The following PSMC2 variants were observed in gnomAD, a reference collection of about 807,000 sequenced individuals.
PSMC2 encodes proteasome 26S subunit, ATPase 2, also known as 26S proteasome regulatory subunit 7.
PSMC2 carries 7 observed loss-of-function variants against 53.3 expected under a neutral mutation model. The observed-to-expected ratio is 0.13, with a 90% confidence interval of 0.07 to 0.25. The LOEUF is 0.25. Among genes scored for constraint, PSMC2 ranks in the 10% least tolerant of loss-of-function variants. The probability of loss-of-function intolerance (pLI) is 1.00; values close to 1 mark genes in which losing one functional copy is unlikely to be tolerated. For synonymous variants in PSMC2, 169 were observed against 183.9 expected (o/e 0.92, Z 0.66); for missense variants, 241 against 544.0 (o/e 0.44, Z 5.54).
At chr7:103,356,752 G>A (rs886468457) in intron 4 of PSMC2, among the ~76,000 whole-genome samples, 1 of 151,904 alleles carries the variant, frequency 6.6e-6, no homozygotes, top group South Asian at 2.1e-4. Context: ...ACCTTTTGTT[G>A]TACTAATGTT....
chr7:103,361,460 A>G (rs1820400931), intron 4 of PSMC2, among the ~76,000 whole-genome samples: 1 of 150,128 alleles, frequency 6.7e-6, no homozygotes, highest in Non-Finnish European at 1.5e-5. Context: ...CAGTGAGCCA[A>G]GATCACACCA....
intron 4 of PSMC2, among the ~76,000 whole-genome samples, chr7:103,356,037 T>C (rs563534184): frequency 6.6e-6 from 1 of 152,310 alleles, no homozygotes; most frequent in African/African-American, 2.4e-5. Context: ...AATGAAAAAC[T>C]CCCTTCTCAT....
intron 8 of PSMC2, 69 bp downstream of exon 8, chr7:103,364,376 G>A (rs545478396): frequency 4.3e-5 from 67 of 1,557,764 alleles, no homozygotes; most frequent in Non-Finnish European, 5.7e-5. Flanking sequence ...AATTAAAAAT[G>A]GCACTTCTGC....
Position 103,365,747 on chromosome 7 carries a change from C to T in PSMC2, c.757-329C>T, listed in dbSNP as rs537586314. ...GTTCAATGCCAGCCTGGCCAAGATG[C>T]TGAAACCCCGTCTCTACTAAAAATA... On this transcript the variant is annotated intron_variant, in intron 8 of 11. Coordinates refer to ENST00000292644, the MANE Select transcript of PSMC2 (RefSeq NM_002803.4). Among the ~76,000 whole-genome samples the T allele has an allele frequency of 9.2e-5, 14 of 152,060 alleles. No homozygotes were observed. In the East Asian group the frequency reaches 2.5e-3, roughly 27 times the overall value.
chr7:103,354,535 AT>A (rs1298247813), intron 2 of PSMC2, among the ~76,000 whole-genome samples: 1 of 151,798 alleles, frequency 6.6e-6, no homozygotes, highest in African/African-American at 2.4e-5. Context: ...CGTCTGGCTA[AT>A]TTTTTGTATT....
At chr7:103,354,421 T>A (rs1274910515) in intron 2 of PSMC2, among the ~76,000 whole-genome samples, 1 of 147,196 alleles carries the variant, frequency 6.8e-6, no homozygotes, top group Non-Finnish European at 1.5e-5. Context: ...CAGGCTGGAG[T>A]GCAATGGCGC....
At position 103,367,005 on chromosome 7, in the gene PSMC2, A is replaced by G. The variant is rs192020752; in HGVS notation, c.845-408A>G. On this transcript the variant is annotated intron_variant, in intron 9 of 11. Transcript: ENST00000292644. The surrounding 1 kb of genome is among the most constrained non-coding windows in gnomAD (Gnocchi z 6.1). ...TTTTTAGTAGAGACGTGGTTTCACC[A>G]TGTTGGCCAGGCTGGTCTCGAACTC... Among the ~76,000 whole-genome samples, 33 of 152,240 alleles carry G rather than the reference A, an allele frequency of 2.2e-4. No individual in the cohort carries two copies. Among genetic ancestry groups the G allele is most frequent in the African/African-American group, 7.5e-4 (31 of 41,540 alleles).
At chr7:103,361,663 G>T (rs1820422437) in intron 4 of PSMC2, among the ~76,000 whole-genome samples, 1 of 152,064 alleles carries the variant, frequency 6.6e-6, no homozygotes, top group Non-Finnish European at 1.5e-5. Flanking sequence ...ATATACAGGA[G>T]CATCACTAAT....
At chr7:103,353,008 A>G in intron 1 of PSMC2, 1 of 777,834 alleles carries the variant, frequency 1.3e-6, no homozygotes, top group Non-Finnish European at 2.4e-6. Context: ...AATGACCATG[A>G]AAGCACATGA....
At chr7:103,349,277 G>A (rs991640217) in intron 1 of PSMC2, among the ~76,000 whole-genome samples, 2 of 152,028 alleles carry the variant, frequency 1.3e-5, no homozygotes, top group Non-Finnish European at 2.9e-5. Context: ...GAAAATGTCA[G>A]ATATACTCAG....
chr7:103,361,387 G>A (rs1820393409), intron 4 of PSMC2, among the ~76,000 whole-genome samples: 1 of 150,040 alleles, frequency 6.7e-6, no homozygotes, highest in African/African-American at 2.4e-5. Flanking sequence ...GTGCATGCCT[G>A]TAATCCCAGC....
At position 103,352,215 on chromosome 7, in the gene PSMC2, T is replaced by TTAA. The variant is rs1441758445; in HGVS notation, c.71-1706_71-1705insTAA. Reference sequence around the variant, plus strand: ...TTTCCTACCTCTACTCATACTTAGTTAAAAAAAAAAAAAAAAAAAAAAAAA... The same window carrying TTAA: ...TTTCCTACCTCTACTCATACTTAGTTTAAAAAAAAAAAAAAAAAAAAAAAAAAA... On this transcript the variant is annotated intron_variant, in intron 1 of 11. Transcript: ENST00000292644. Among the ~76,000 whole-genome samples the TTAA allele has an allele frequency of 1.1e-3, 45 of 40,622 alleles. 1 individual carries two copies. Among genetic ancestry groups the TTAA allele is most frequent in the African/African-American group, 3.8e-3 (43 of 11,382 alleles). 26.6% of individuals were successfully genotyped at this position (40,622 alleles called of 152,430 possible). A position where few individuals can be genotyped will look rare whatever the true frequency, so the allele number is the denominator to read the frequency against.
In PSMC2 at chr7:103,362,669, C is replaced by A; in HGVS notation, c.423-17C>A. On this transcript the variant is annotated splice_polypyrimidine_tract_variant and intron_variant, in intron 5 of 11. Coordinates refer to ENST00000292644, the MANE Select transcript of PSMC2 (RefSeq NM_002803.4). ...GCTTAAAGAATGTATTAATGACTAT[C>A]TTTTTTACTTCCTTAGCGTGGATAG... 1 of 1,585,416 alleles carries A rather than the reference C, an allele frequency of 6.3e-7. No individual in the cohort carries two copies. Among genetic ancestry groups the A allele is most frequent in the Non-Finnish European group, 8.7e-7 (1 of 1,154,738 alleles).
chr7:103,349,606 C>T (rs1012728562), intron 1 of PSMC2, among the ~76,000 whole-genome samples: 2 of 152,042 alleles, frequency 1.3e-5, no homozygotes, highest in African/African-American at 4.8e-5. Context: ...CCCCCCACCA[C>T]ACCCAACTAA....
At chr7:103,352,985 C>G in intron 1 of PSMC2, 1 of 779,914 alleles carries the variant, frequency 1.3e-6, no homozygotes, top group Admixed American at 1.7e-5. Flanking sequence ...TTTTACCACT[C>G]TGTCTATTTG....
chr7:103,367,997 G>A lies in PSMC2; in HGVS notation c.1245G>A (p.Lys415=). The A allele has an allele frequency of 5.6e-6, 9 of 1,613,864 alleles. No homozygotes were observed. Among genetic ancestry groups the A allele is most frequent in the South Asian group, 2.2e-5 (2 of 91,054 alleles). ...AGGATTTCTTGGAAGCTGTAAATAA[G>A]GTCATTAAGTCTTATGCCAAATTCA... ...TEKDFLEAVN[K]VIKSYAKFSA... The change falls in exon 12 of 12, where the codon AAG becomes AAA. Residue 415 remains lysine (K), a synonymous_variant. Coordinates refer to ENST00000292644, the MANE Select transcript of PSMC2 (RefSeq NM_002803.4). The surrounding 1 kb of genome is among the most constrained non-coding windows in gnomAD (Gnocchi z 6.1).
chr7:103,360,259 G>C (rs1399209181), intron 4 of PSMC2, among the ~76,000 whole-genome samples: 1 of 152,076 alleles, frequency 6.6e-6, no homozygotes, highest in Non-Finnish European at 1.5e-5. Context: ...TTAAAATAAT[G>C]TAATGTGTCA....
intron 1 of PSMC2, chr7:103,348,882 T>C (rs1819666534): frequency 2.0e-6 from 1 of 497,152 alleles, no homozygotes. Context: ...TTTATGTAAC[T>C]TTTACCAAGT....
At position 103,347,825 on chromosome 7, in the gene PSMC2, A is replaced by T. The variant is rs781387969; in HGVS notation, c.70+44A>T. 46 of 1,607,550 alleles carry T rather than the reference A, an allele frequency of 2.9e-5. 1 individual carries two copies. In the Admixed American group the frequency reaches 7.7e-4, roughly 27 times the overall value. The stretch of plus-strand genomic sequence containing the variant: ...GAGCTCGGAGCTGGGGCGGGACTGG[A>T]GCGGAGCTGCCTTGGCACTGGAGAG... On this transcript the variant is annotated intron_variant, in intron 1 of 11. Transcript: ENST00000292644.
Sources: gnomAD v4.1 joint callset for allele counts (sites outside exome capture counted in the v4.1 genomes callset) on GRCh38, gnomAD v4.1.1 for gene constraint, Gnocchi (gnomAD v3.1) non-coding constraint, MANE v1.5 for transcripts, NCBI Gene and HGNC (gene_info 2026-07-23, HGNC 2026-07-21) for gene names.